Variants in TGFB2 observed in about 807,000 individuals in gnomAD.
TGFB2 encodes the protein transforming growth factor beta 2, also known as transforming growth factor beta-2 proprotein.
Under a neutral mutation model 42.7 loss-of-function variants are expected in TGFB2, and 13 were observed. The ratio of observed to expected loss-of-function variants is 0.30; its 90% CI spans 0.20 to 0.48. The LOEUF (loss-of-function observed/expected upper bound fraction) is 0.48, where lower values mean the gene tolerates loss of function less well. Among genes scored for constraint, TGFB2 ranks in the 20% least tolerant of loss-of-function variants. The pLI is 0.99. For synonymous variants in TGFB2, 193 were observed against 193.6 expected (o/e 1.00, Z 0.03); for missense variants, 390 against 517.5 (o/e 0.75, Z 2.39).
intron 2 of TGFB2, among the ~76,000 whole-genome samples, chr1:218,433,130 G>A (rs10482804): frequency 1.1e-3 from 163 of 152,136 alleles, no homozygotes; most frequent in Non-Finnish European, 2.0e-3. Context: ...GTGCAGTAAT[G>A]CCACCTCGGC....
chr1:218,411,458 T>C (rs879738019), intron 2 of TGFB2, among the ~76,000 whole-genome samples: 4 of 152,104 alleles, frequency 2.6e-5, no homozygotes, highest in Admixed American at 1.3e-4. Flanking sequence ...TCAGCTGGGC[T>C]CCTCCCCCTA....
intron 1 of TGFB2, among the ~76,000 whole-genome samples, chr1:218,377,081 T>C (rs1057027010): frequency 7.2e-5 from 11 of 152,042 alleles, no homozygotes; most frequent in Non-Finnish European, 1.5e-5. Context: ...AAAATTTTTA[T>C]AGAGATGAGG....
rs192386125 is a variant in TGFB2 at position 218,410,138 on chromosome 1, G to T, written c.510+4806G>T. ...TCACATGTGTGATTGTTCAGATTTG[G>T]ATCTTCCAATTGGAATTCGCAGATT... On this transcript the variant is annotated intron_variant, in intron 2 of 6. Transcript: ENST00000366930. Among the ~76,000 whole-genome samples the T allele has an allele frequency of 2.0e-5, 3 of 152,326 alleles. No individual in the cohort carries two copies. The East Asian group carries it at 5.8e-4, about 29-fold the overall frequency.
chr1:218,441,425 A>G lies in TGFB2; in HGVS notation c.*63A>G. 1 of 1,512,128 alleles carries G rather than the reference A, an allele frequency of 6.6e-7. No homozygotes were observed. The highest frequency in any genetic ancestry group is 8.9e-7 in the Non-Finnish European group (1 of 1,127,584). 93.7% of individuals were successfully genotyped at this position (1,512,128 alleles called of 1,614,324 possible). On this transcript the variant is annotated 3_prime_UTR_variant, in exon 7 of 7. Transcript: ENST00000366930. ...TGATGATAATGATGATGACGACGAC[A>G]ACGATGATGCTTGTAACAAGAAAAC...
intron 2 of TGFB2, among the ~76,000 whole-genome samples, chr1:218,408,009 T>C (rs572734312): frequency 6.6e-6 from 1 of 152,342 alleles, no homozygotes; most frequent in Non-Finnish European, 1.5e-5. Context: ...TCCTTTTTCT[T>C]CTCTTTTTTA....
At chr1:218,355,683 G>A (rs1657010236) in intron 1 of TGFB2, among the ~76,000 whole-genome samples, 1 of 152,200 alleles carries the variant, frequency 6.6e-6, no homozygotes, top group African/African-American at 2.4e-5. Context: ...AGGATGATGT[G>A]TGTGAAAAAG....
At chr1:218,350,432 A>C (rs1364355750) in intron 1 of TGFB2, among the ~76,000 whole-genome samples, 2 of 152,150 alleles carry the variant, frequency 1.3e-5, no homozygotes, top group Non-Finnish European at 2.9e-5. Context: ...CCATCCTATA[A>C]TGCATAGGGC....
chr1:218,386,612 G>A (rs964246660), intron 1 of TGFB2, among the ~76,000 whole-genome samples: 1 of 152,182 alleles, frequency 6.6e-6, no homozygotes, highest in Non-Finnish European at 1.5e-5. Context: ...GAGGAGTAGA[G>A]GCAGACCCCA....
chr1:218,349,912 T>G lies in TGFB2; in HGVS notation c.346+2865T>G, dbSNP rs149899311. Among the ~76,000 whole-genome samples the G allele has an allele frequency of 2.8e-3, 420 of 152,320 alleles. 3 individuals carry two copies. The highest frequency in any genetic ancestry group is 9.7e-3 in the African/African-American group (404 of 41,570). The stretch of plus-strand genomic sequence containing the variant: ...GGATATAAATAATACTGTGTCAACA[T>G]TTAAAGAAGGGGTCTGATTAGTTTT... On this transcript the variant is annotated intron_variant, in intron 1 of 6. Transcript: ENST00000366930.
intron 1 of TGFB2, among the ~76,000 whole-genome samples, chr1:218,375,960 A>G (rs183344286): frequency 3.3e-5 from 5 of 152,216 alleles, no homozygotes; most frequent in East Asian, 1.9e-4. Flanking sequence ...ATTTATATTC[A>G]TAAGTTGAAT....
chr1:218,378,612 C>A (rs1571851174), intron 1 of TGFB2, among the ~76,000 whole-genome samples: 1 of 152,070 alleles, frequency 6.6e-6, no homozygotes, highest in Non-Finnish European at 1.5e-5. Flanking sequence ...CCGTGCCCAG[C>A]CTGTTCATTT....
intron 6 of TGFB2, among the ~76,000 whole-genome samples, chr1:218,439,329 TAAA>T (rs1223869679): frequency 6.6e-6 from 1 of 152,032 alleles, no homozygotes; most frequent in Non-Finnish European, 1.5e-5. Flanking sequence ...ATCTCCCTAT[TAAA>T]GAAGCATTAG....
intron 5 of TGFB2, 135 bp downstream of exon 5, chr1:218,436,282 T>C: frequency 1.3e-6 from 1 of 796,042 alleles, no homozygotes; most frequent in Admixed American, 3.1e-5. Context: ...AGCTCCTGTG[T>C]CTCATAATAC....
intron 2 of TGFB2, among the ~76,000 whole-genome samples, chr1:218,430,132 C>T (rs553306199): frequency 2.7e-4 from 41 of 152,114 alleles, no homozygotes; most frequent in African/African-American, 9.6e-4. Context: ...ATAAAGAGGC[C>T]GGGCGTGGTA....
In TGFB2 at chr1:218,437,380, A is replaced by G. The variant is rs866788278; in HGVS notation, c.970A>G (p.Ile324Val). 2 of 1,608,012 alleles carry G rather than the reference A, an allele frequency of 1.2e-6. No homozygotes were observed. Among genetic ancestry groups the G allele is most frequent in the Non-Finnish European group, 1.7e-6 (2 of 1,178,704 alleles). The change falls in exon 6 of 7, where the codon ATT (isoleucine) becomes GTT (valine). Residue 324 changes from isoleucine to valine, a missense_variant. By Grantham distance (29) the Ile-to-Val change is conservative (BLOSUM62 3). Transcript: ENST00000366930. ...TAATTGCTGCCTACGTCCACTTTAC[A>G]TTGATTTCAAGAGGGATCTAGGGTG... ...QDNCCLRPLY[I>V]DFKRDLGWKW...
intron 2 of TGFB2, among the ~76,000 whole-genome samples, chr1:218,417,853 C>G (rs1041745675): frequency 3.3e-5 from 5 of 152,222 alleles, no homozygotes; most frequent in Admixed American, 6.5e-5. Context: ...TTGGCAGCTT[C>G]TACATGGTGT....
intron 1 of TGFB2, among the ~76,000 whole-genome samples, chr1:218,353,007 T>G (rs1656916046): frequency 6.6e-6 from 1 of 152,222 alleles, no homozygotes; most frequent in Non-Finnish European, 1.5e-5. Flanking sequence ...GGAGTAGGTC[T>G]TCTTTGCCTG....
intron 1 of TGFB2, among the ~76,000 whole-genome samples, chr1:218,398,039 C>T (rs1658582682): frequency 6.6e-6 from 1 of 152,258 alleles, no homozygotes; most frequent in Non-Finnish European, 1.5e-5. Context: ...TCCAAGAAAG[C>T]TGATATTAAA....
rs6604605 is a variant in TGFB2, at chr1:218,350,206, C to G, written c.346+3159C>G. Among the ~76,000 whole-genome samples the G allele has an allele frequency of 8.4e-3, 1,275 of 152,320 alleles. 18 individuals are homozygous for G. Among genetic ancestry groups the G allele is most frequent in the African/African-American group, 0.028 (1,178 of 41,564 alleles). On this transcript the variant is annotated intron_variant, in intron 1 of 6. Coordinates refer to ENST00000366930, the MANE Select transcript of TGFB2 (RefSeq NM_003238.6). ...TCCGACAATCAAAAAGAGGAAGAGA[C>G]ACAACGTTTCATTTTCTTTCTTTTC...
Sources: gnomAD v4.1 joint callset for allele counts (sites outside exome capture counted in the v4.1 genomes callset) on GRCh38, gnomAD v4.1.1 for gene constraint, MANE v1.5 for transcripts, NCBI Gene and HGNC (gene_info 2026-07-23, HGNC 2026-07-21) for gene names.